The following GNG7 variants were observed in gnomAD, a reference collection of about 807,000 sequenced individuals.
GNG7 encodes the protein G protein subunit gamma 7, also known as guanine nucleotide-binding protein G(I)/G(S)/G(O) subunit gamma-7.
A neutral mutation model predicts 4.0 loss-of-function variants in GNG7; 1 was observed. That is an observed-to-expected ratio of 0.25 (90% CI 0.09 to 1.18). The LOEUF (loss-of-function observed/expected upper bound fraction) is 1.18, where lower values mean the gene tolerates loss of function less well. Among genes scored for constraint, GNG7 ranks in the 50% most tolerant of loss-of-function variants. The probability of loss-of-function intolerance (pLI) is 0.50; values close to 1 mark genes in which losing one functional copy is unlikely to be tolerated. For synonymous variants in GNG7, 34 were observed against 36.9 expected (o/e 0.92, Z 0.29); for missense variants, 86 against 91.9 (o/e 0.94, Z 0.26).
intron 1 of GNG7, among the ~76,000 whole-genome samples, chr19:2,659,023 G>GTA (rs1983068115): frequency 6.6e-6 from 1 of 151,552 alleles, no homozygotes; most frequent in African/African-American, 2.4e-5. Context: ...AGGCTGGAGG[G>GTA]CAGTGGCACA....
In GNG7 at chr19:2,633,484, C is replaced by CGT. The variant is rs1325701294; in HGVS notation, c.-78+12739_-78+12740insAC. Among the ~76,000 whole-genome samples, 1 of 86,936 alleles carries CGT rather than the reference C, an allele frequency of 1.2e-5. No individual in the cohort carries two copies. Among genetic ancestry groups the CGT allele is most frequent in the African/African-American group, 4.0e-5 (1 of 24,710 alleles). 57.0% of individuals were successfully genotyped at this position (86,936 alleles called of 152,430 possible). A position where few individuals can be genotyped will look rare whatever the true frequency, so the allele number is the denominator to read the frequency against. On this transcript the variant is annotated intron_variant, in intron 2 of 4. Coordinates refer to ENST00000382159, the MANE Select transcript of GNG7 (RefSeq NM_052847.3). The surrounding 1 kb of genome is among the most constrained non-coding windows in gnomAD (Gnocchi z 5.9). ...GCTTAGCAACAGGCGCGCGCGCGCG[C>CGT]GCGCACACACACACACACACACACA...
In GNG7 at chr19:2,653,947, C is replaced by T. The variant is rs1052015438; in HGVS notation, c.-134-7667G>A. 1.3e-5 allele frequency among the ~76,000 whole-genome samples: 2 copies of T among 152,208 alleles called. No individual in the cohort carries two copies. The highest frequency in any genetic ancestry group is 1.9e-4 in the East Asian group (1 of 5,178). On this transcript the variant is annotated intron_variant, in intron 1 of 4. Transcript: ENST00000382159. This position sits in a 1 kb window ranked among gnomAD's most constrained non-coding sequence, Gnocchi z 4.8. ...CAGCTCTCGCCTGCCTCGGCGAGCC[C>T]GGGTTCCAGAAGATGTGCCCAGCAC...
chr19:2,518,817 T>G (rs4361053), intron 4 of GNG7, among the ~76,000 whole-genome samples: 37,127 of 151,826 alleles, frequency 0.24, 5,357 homozygotes, highest in East Asian at 0.44. Flanking sequence ...TTTTCTGAGA[T>G]GGAGTCTCAC....
At chr19:2,585,034 CGGAGGGAGGGAG>C (rs1414742039) in intron 2 of GNG7, among the ~76,000 whole-genome samples, 1 of 15,306 alleles carries the variant, frequency 6.5e-5, no homozygotes, top group Non-Finnish European at 1.3e-4. Flanking sequence ...GAGGGAGGGA[CGGAGGGAGGGAG>C]GGAAGGAAGG....
chr19:2,657,354 AAAAAAAAATATATATATATAT>A (rs1451125545), intron 1 of GNG7, among the ~76,000 whole-genome samples: 2 of 21,886 alleles, frequency 9.1e-5, no homozygotes, highest in African/African-American at 2.2e-4. Flanking sequence ...AAAAAAAAAA[AAAAAAAAATATATATATATAT>A]ATATATATAT....
chr19:2,553,766 G>A (rs925905698), intron 3 of GNG7, among the ~76,000 whole-genome samples: 5 of 147,390 alleles, frequency 3.4e-5, no homozygotes, highest in African/African-American at 5.0e-5. Flanking sequence ...TGCACATATT[G>A]CATGTAATGT....
chr19:2,518,317 G>A (rs932739572), intron 4 of GNG7, among the ~76,000 whole-genome samples: 5 of 152,096 alleles, frequency 3.3e-5, no homozygotes, highest in East Asian at 1.9e-4. Flanking sequence ...ATGAGTCACC[G>A]CCCTCCGCCC....
At chr19:2,677,824 G>A (rs1357953020) in intron 1 of GNG7, among the ~76,000 whole-genome samples, 1 of 152,170 alleles carries the variant, frequency 6.6e-6, no homozygotes, top group East Asian at 1.9e-4. Flanking sequence ...CCCTGGCATA[G>A]AGTGGGTGGA....
At chr19:2,665,208 G>A (rs188102163) in intron 1 of GNG7, among the ~76,000 whole-genome samples, 2 of 152,288 alleles carry the variant, frequency 1.3e-5, no homozygotes, top group Admixed American at 6.5e-5. Context: ...TCCCAGGCAC[G>A]GTGGACACTG....
chr19:2,700,122 T>C (rs1250419410), intron 1 of GNG7, among the ~76,000 whole-genome samples: 2 of 150,776 alleles, frequency 1.3e-5, no homozygotes, highest in African/African-American at 4.9e-5. Flanking sequence ...ATTTTTGTTG[T>C]TGTTGCAGTC....
intron 3 of GNG7, among the ~76,000 whole-genome samples, chr19:2,524,653 T>C (rs1388172829): frequency 6.6e-6 from 1 of 152,210 alleles, no homozygotes; most frequent in African/African-American, 2.4e-5. Context: ...CACATCTACG[T>C]GTGTGCGTCT....
intron 2 of GNG7, among the ~76,000 whole-genome samples, chr19:2,601,772 T>C (rs1476087324): frequency 6.6e-6 from 1 of 151,422 alleles, no homozygotes; most frequent in Non-Finnish European, 1.5e-5. Context: ...CCGGGCATGG[T>C]GGTGTGAGCC....
At chr19:2,567,361 C>G (rs1307264178) in intron 2 of GNG7, among the ~76,000 whole-genome samples, 1 of 35,530 alleles carries the variant, frequency 2.8e-5, no homozygotes, top group African/African-American at 2.2e-4. Context: ...GACATAGGGT[C>G]TCACTCTGTC....
In GNG7 at chr19:2,633,485, G is replaced by A. The variant is rs76837688; in HGVS notation, c.-78+12739C>T. On this transcript the variant is annotated intron_variant, in intron 2 of 4. Transcript: ENST00000382159. The surrounding 1 kb of genome is among the most constrained non-coding windows in gnomAD (Gnocchi z 5.9). ...CTTAGCAACAGGCGCGCGCGCGCGC[G>A]CGCACACACACACACACACACACAC... 0.083 allele frequency among the ~76,000 whole-genome samples: 10,889 copies of A among 131,958 alleles called. 1,069 individuals carry two copies. The highest frequency in any genetic ancestry group is 0.27 in the African/African-American group (8,999 of 33,582). 86.6% of individuals were successfully genotyped at this position (131,958 alleles called of 152,430 possible).
intron 2 of GNG7, among the ~76,000 whole-genome samples, chr19:2,623,139 A>T (rs1372601055): frequency 6.6e-6 from 1 of 152,146 alleles, no homozygotes; most frequent in Non-Finnish European, 1.5e-5. Flanking sequence ...AAGCCTGGGC[A>T]ACATAGCCAG....
intron 2 of GNG7, among the ~76,000 whole-genome samples, chr19:2,561,698 G>A (rs1178756394): frequency 1.4e-5 from 2 of 143,246 alleles, no homozygotes; most frequent in East Asian, 4.0e-4. Flanking sequence ...CCAACATGGT[G>A]AAACTCCGTC....
At chr19:2,651,520 CTTCT>C (rs1425297853) in intron 1 of GNG7, among the ~76,000 whole-genome samples, 1 of 141,314 alleles carries the variant, frequency 7.1e-6, no homozygotes, top group Non-Finnish European at 1.5e-5. Flanking sequence ...TCTCTCTTTC[CTTCT>C]TTCTTCTTTC....
chr19:2,668,271 C>T (rs950884490), intron 1 of GNG7, among the ~76,000 whole-genome samples: 1 of 151,398 alleles, frequency 6.6e-6, no homozygotes, highest in Non-Finnish European at 1.5e-5. Flanking sequence ...CAATTAGCTA[C>T]TTACGCTAGA....
intron 2 of GNG7, among the ~76,000 whole-genome samples, chr19:2,591,453 GTTTTTTTT>G (rs59564767): frequency 1.9e-4 from 24 of 123,792 alleles, no homozygotes; most frequent in African/African-American, 5.5e-4. Flanking sequence ...AAAATAAAGG[GTTTTTTTT>G]TTTTTTTTTT....
Sources: allele counts gnomAD v4.1 joint callset (sites outside exome capture counted in the v4.1 genomes callset), GRCh38; gene constraint gnomAD v4.1.1; non-coding constraint Gnocchi (gnomAD v3.1); transcripts MANE v1.5; gene names NCBI Gene and HGNC (gene_info 2026-07-23, HGNC 2026-07-21).